The following MTPN variants were observed in gnomAD, a reference collection of about 807,000 sequenced individuals.
MTPN encodes the protein myotrophin.
In MTPN, 2 loss-of-function variants were observed where a neutral mutation model predicts 13.5. The observed-to-expected ratio is 0.15, with a 90% confidence interval of 0.06 to 0.47. The LOEUF (loss-of-function observed/expected upper bound fraction) is 0.47, where lower values mean the gene tolerates loss of function less well. Ranked by LOEUF, MTPN falls within the 20% of genes least tolerant of loss-of-function variation. The pLI is 0.97. For missense variants in MTPN, 79 were observed against 137.9 expected (o/e 0.57, Z 2.14); for synonymous variants, 46 against 51.7 (o/e 0.89, Z 0.48).
At chr7:135,960,238 G>A (rs1799501244) in intron 1 of MTPN, among the ~76,000 whole-genome samples, 1 of 152,118 alleles carries the variant, frequency 6.6e-6, no homozygotes, top group African/African-American at 2.4e-5. Context: ...ATACAGAAAA[G>A]GAGATGTAAG....
chr7:135,969,533 T>C (rs1327626411), intron 1 of MTPN, among the ~76,000 whole-genome samples: 8 of 149,278 alleles, frequency 5.4e-5, no homozygotes, highest in African/African-American at 2.0e-4. Context: ...AAAAAAAGTA[T>C]ACACTTATTT....
chr7:135,955,733 T>C (rs1799433491), intron 1 of MTPN, among the ~76,000 whole-genome samples: 1 of 152,148 alleles, frequency 6.6e-6, no homozygotes, highest in South Asian at 2.1e-4. Flanking sequence ...CCATGACCAG[T>C]GGGGTTTATC....
At chr7:135,974,400 G>A (rs1269576763) in intron 1 of MTPN, among the ~76,000 whole-genome samples, 1 of 152,076 alleles carries the variant, frequency 6.6e-6, no homozygotes, top group East Asian at 1.9e-4. Flanking sequence ...AATTTGCTGG[G>A]TGTCGTGGTG....
In MTPN at chr7:135,951,570, A is replaced by T. The variant is rs1185168649; in HGVS notation, c.133T>A (p.Cys45Ser). Residue 45 changes from cysteine to serine, a missense_variant, in exon 2 of 4, where the codon TGT becomes AGT. Coordinates refer to ENST00000393085, the MANE Select transcript of MTPN (RefSeq NM_145808.4). The part of the protein sequence containing the change: ...GRKPLHYAAD[C>S]GQLEILEFLL... ...AATTCCAGGATTTCAAGCTGCCCAC[A>T]ATCTGCTGCATAATGAAGAGGTTTC... 4 of 1,613,612 alleles carry T rather than the reference A, an allele frequency of 2.5e-6. No homozygotes were observed. The highest frequency in any genetic ancestry group is 3.4e-6 in the Non-Finnish European group (4 of 1,179,706).
Position 135,927,725 on chromosome 7 carries a change from C to T in MTPN, c.*2201G>A, listed in dbSNP as rs771563465. The stretch of plus-strand genomic sequence containing the variant: ...TTTATATGTTATTTTCTCAAGCAAT[C>T]GCTTCATAATTATAGGGTTTACAAA... On this transcript the variant is annotated 3_prime_UTR_variant, in exon 4 of 4. Transcript: ENST00000393085. The T allele has an allele frequency of 8.0e-6, 4 of 499,282 alleles. No homozygotes were observed. The highest frequency in any genetic ancestry group is 5.9e-5 in the African/African-American group (3 of 51,204). The allele number at this position is 499,282 out of a possible 1,614,324, so 30.9% of individuals were successfully genotyped here.
At chr7:135,956,681 T>C (rs1799448263) in intron 1 of MTPN, among the ~76,000 whole-genome samples, 1 of 150,576 alleles carries the variant, frequency 6.6e-6, no homozygotes, top group Non-Finnish European at 1.5e-5. Flanking sequence ...ATGTTCTGTA[T>C]ATCGTCCCTT....
intron 3 of MTPN, among the ~76,000 whole-genome samples, chr7:135,941,099 G>T (rs1045827188): frequency 8.5e-5 from 13 of 152,246 alleles, no homozygotes; most frequent in African/African-American, 2.6e-4. Context: ...TTACTACCTG[G>T]CCCTTAATAG....
At chr7:135,946,268 T>C (rs1799286736) in intron 3 of MTPN, among the ~76,000 whole-genome samples, 1 of 152,172 alleles carries the variant, frequency 6.6e-6, no homozygotes, top group Non-Finnish European at 1.5e-5. Flanking sequence ...ACAGTGAATA[T>C]CCCAGATAAG....
chr7:135,938,260 C>T (rs2116351000), intron 3 of MTPN, among the ~76,000 whole-genome samples: 1 of 152,286 alleles, frequency 6.6e-6, no homozygotes, highest in East Asian at 1.9e-4. Context: ...ATTTACCTAT[C>T]TACATATACA....
intron 1 of MTPN, among the ~76,000 whole-genome samples, chr7:135,965,020 A>G (rs1334591062): frequency 6.6e-6 from 1 of 152,086 alleles, no homozygotes; most frequent in African/African-American, 2.4e-5. Context: ...CTTTTGCACA[A>G]CAGCAGAGAT....
At chr7:135,966,081 T>C (rs1048759720) in intron 1 of MTPN, among the ~76,000 whole-genome samples, 1 of 152,098 alleles carries the variant, frequency 6.6e-6, no homozygotes, top group African/African-American at 2.4e-5. Flanking sequence ...GACTGATTAA[T>C]AGACATGTAA....
intron 1 of MTPN, among the ~76,000 whole-genome samples, chr7:135,965,895 CAAATACCAATT>C (rs1799597271): frequency 6.6e-6 from 1 of 152,038 alleles, no homozygotes; most frequent in African/African-American, 2.4e-5. Flanking sequence ...ATAGTTTCTG[CAAATACCAATT>C]AAATACAAAT....
chr7:135,965,703 G>A (rs1280889421), intron 1 of MTPN, among the ~76,000 whole-genome samples: 1 of 152,116 alleles, frequency 6.6e-6, no homozygotes, highest in Non-Finnish European at 1.5e-5. Flanking sequence ...TAATACAACT[G>A]TTGTCACTAC....
intron 1 of MTPN, among the ~76,000 whole-genome samples, chr7:135,976,769 C>A (rs1232228942): frequency 6.6e-6 from 1 of 152,156 alleles, no homozygotes; most frequent in Non-Finnish European, 1.5e-5. Context: ...CTCCTCCCCT[C>A]CCCCAAGAGG....
chr7:135,969,132 A>G (rs1446832188), intron 1 of MTPN, among the ~76,000 whole-genome samples: 1 of 143,662 alleles, frequency 7.0e-6, no homozygotes, highest in African/African-American at 2.6e-5. Context: ...AGATATACCT[A>G]ATGCTAGATG....
chr7:135,944,411 C>T (rs1157325626), intron 3 of MTPN, among the ~76,000 whole-genome samples: 2 of 152,040 alleles, frequency 1.3e-5, no homozygotes, highest in Non-Finnish European at 1.5e-5. Context: ...CGTGGTGGCT[C>T]GCGCCTGTAA....
intron 3 of MTPN, among the ~76,000 whole-genome samples, chr7:135,939,547 G>A (rs1272934489): frequency 7.9e-6 from 1 of 126,718 alleles, no homozygotes; most frequent in Non-Finnish European, 1.6e-5. Flanking sequence ...TAGTTATCTT[G>A]TGACCATAAG....
chr7:135,948,195 T>C (rs1799312797), intron 3 of MTPN, among the ~76,000 whole-genome samples: 1 of 152,080 alleles, frequency 6.6e-6, no homozygotes, highest in Non-Finnish European at 1.5e-5. Flanking sequence ...GTATAATCAA[T>C]TTTCAAAAAA....
At chr7:135,935,358 C>T (rs1799099679) in intron 3 of MTPN, among the ~76,000 whole-genome samples, 1 of 152,200 alleles carries the variant, frequency 6.6e-6, no homozygotes. Flanking sequence ...CCTGCCTCAG[C>T]CTCCCGAGTA....
Sources: gnomAD v4.1 joint callset for allele counts (sites outside exome capture counted in the v4.1 genomes callset) on GRCh38, gnomAD v4.1.1 for gene constraint, MANE v1.5 for transcripts, NCBI Gene and HGNC (gene_info 2026-07-23, HGNC 2026-07-21) for gene names.